Variants in ACOT8 observed in about 807,000 individuals in gnomAD.
ACOT8 encodes the protein acyl-coenzyme A thioesterase 8.
In ACOT8, 31 loss-of-function variants were observed where a neutral mutation model predicts 38.4. That is an observed-to-expected ratio of 0.81 (90% CI 0.61 to 1.09). ACOT8 has a LOEUF of 1.09. Among genes scored for constraint, ACOT8 ranks in the 50% least tolerant of loss-of-function variants. ACOT8 has a pLI of 0.00. For synonymous variants in ACOT8, 158 were observed against 170.3 expected (o/e 0.93, Z 0.56); for missense variants, 373 against 421.8 (o/e 0.88, Z 1.01).
In ACOT8 at chr20:45,843,527, C is replaced by A; in HGVS notation, c.841G>T (p.Gly281Cys). ...TTGTCCCACACGGCCCCACACTCAC[C>A]GGCCCAGGGGCTCTCGCATTCATAG... The part of the protein sequence containing the change: ...MLYECESPWA[G>C]GSRGLVHGRL... The change falls in exon 5 of 6, where the codon GGT becomes TGT. Residue 281 changes from glycine to cysteine, a missense_variant and splice_region_variant. By Grantham distance (159) the Gly-to-Cys change is radical. Coordinates refer to ENST00000217455, the MANE Select transcript of ACOT8 (RefSeq NM_005469.4). 2 of 1,608,488 alleles carry A rather than the reference C, an allele frequency of 1.2e-6. No individual in the cohort carries two copies. Among genetic ancestry groups the A allele is most frequent in the Non-Finnish European group, 1.7e-6 (2 of 1,176,318 alleles).
intron 2 of ACOT8, among the ~76,000 whole-genome samples, chr20:45,854,456 C>T (rs530690293): frequency 3.0e-4 from 45 of 152,294 alleles, no homozygotes; most frequent in African/African-American, 1.1e-3. Context: ...GTGATCCGCC[C>T]GCCTTGGCCT....
chr20:45,844,635 T>G (rs1417603441), intron 3 of ACOT8, among the ~76,000 whole-genome samples: 2 of 152,134 alleles, frequency 1.3e-5, no homozygotes, highest in African/African-American at 4.8e-5. Context: ...CTGAGTCTAT[T>G]TTCCCATCTG....
intron 1 of ACOT8, 136 bp from the exon 2 acceptor site, chr20:45,855,428 G>T (rs1301283392): frequency 8.0e-7 from 1 of 1,248,586 alleles, no homozygotes; most frequent in East Asian, 2.5e-5. Flanking sequence ...AAAGCCATAG[G>T]TCCTTTCCCC....
At chr20:45,843,350 C>G in intron 5 of ACOT8, 177 bp downstream of exon 5, 2 of 855,582 alleles carry the variant, frequency 2.3e-6, no homozygotes, top group Non-Finnish European at 1.9e-6. Flanking sequence ...TAGAGCAGAG[C>G]AGGTGTCCCG....
At chr20:45,847,429 A>AAT (rs1029647642) in intron 3 of ACOT8, among the ~76,000 whole-genome samples, 2 of 150,826 alleles carry the variant, frequency 1.3e-5, no homozygotes, top group Non-Finnish European at 2.9e-5. Context: ...ATATATATAA[A>AAT]ATATATATAT....
intron 2 of ACOT8, among the ~76,000 whole-genome samples, chr20:45,854,857 G>A (rs1373726838): frequency 1.3e-5 from 2 of 152,060 alleles, no homozygotes; most frequent in African/African-American, 2.4e-5. Context: ...ACAGCGCTCC[G>A]CACCAGGAGC....
intron 2 of ACOT8, among the ~76,000 whole-genome samples, chr20:45,850,986 C>T (rs919757689): frequency 6.6e-6 from 1 of 152,172 alleles, no homozygotes; most frequent in African/African-American, 2.4e-5. Flanking sequence ...GAAGTTCTCA[C>T]TTTGTCTGAG....
At chr20:45,853,925 T>C (rs1316245159) in intron 2 of ACOT8, 3 of 1,303,758 alleles carry the variant, frequency 2.3e-6, no homozygotes, top group African/African-American at 3.0e-5. Flanking sequence ...TCACATACTG[T>C]AAAGGTCCAC....
chr20:45,843,536 G>T lies in ACOT8; in HGVS notation c.832C>A (p.Pro278Thr), dbSNP rs1272173370. 6.2e-7 allele frequency: 1 copy of T among 1,609,356 alleles called. No homozygotes were observed. Among genetic ancestry groups the T allele is most frequent in the Non-Finnish European group, 8.5e-7 (1 of 1,176,538 alleles). Residue 278 changes from proline (P) to threonine (T), a missense_variant, in exon 5 of 6, where the codon CCC becomes ACC. By Grantham distance (38) the Pro-to-Thr change is conservative (BLOSUM62 -1). Coordinates refer to ENST00000217455, the MANE Select transcript of ACOT8 (RefSeq NM_005469.4). Reference sequence around the variant, plus strand: ...ACGGCCCCACACTCACCGGCCCAGGGGCTCTCGCATTCATAGAGCATCCAG... The same window carrying T: ...ACGGCCCCACACTCACCGGCCCAGGTGCTCTCGCATTCATAGAGCATCCAG... ...DHWMLYECESPWAGGSRGLVH... is the reference protein window; with the variant it reads ...DHWMLYECESTWAGGSRGLVH...
At chr20:45,853,885 G>A in intron 2 of ACOT8, 3 of 1,277,302 alleles carry the variant, frequency 2.3e-6, no homozygotes, top group Non-Finnish European at 3.1e-6. Flanking sequence ...CAAAATGAAG[G>A]GGGAAACCCC....
At chr20:45,853,824 G>A (rs988651737) in intron 2 of ACOT8, 2 of 913,936 alleles carry the variant, frequency 2.2e-6, no homozygotes, top group African/African-American at 1.7e-5. Context: ...AAGAGACACG[G>A]GACAGTATGA....
At chr20:45,843,108 G>A (rs1266754933) in intron 5 of ACOT8, 1 of 1,076,308 alleles carries the variant, frequency 9.3e-7, no homozygotes, top group Admixed American at 3.7e-5. Context: ...TGAGAATCTT[G>A]AGGGTGGAAT....
In ACOT8 at chr20:45,857,315, TC is replaced by T; in HGVS notation, c.-1del. 1 of 1,601,450 alleles carries T rather than the reference TC, an allele frequency of 6.2e-7. No homozygotes were observed. The highest frequency in any genetic ancestry group is 8.5e-7 in the Non-Finnish European group (1 of 1,174,698). The stretch of plus-strand genomic sequence containing the variant: ...TCTTCTGGGGCCTGCGGGGACGACA[TC>T]TAGTTCAATGCTGCAGGCCCTGCAC... On this transcript the variant is annotated 5_prime_UTR_variant, in exon 1 of 6. Coordinates refer to ENST00000217455, the MANE Select transcript of ACOT8 (RefSeq NM_005469.4).
Position 45,844,410 on chromosome 20 carries a change from G to C in ACOT8, c.499C>G (p.Leu167Val). 6.2e-7 allele frequency: 1 copy of C among 1,613,988 alleles called. No homozygotes were observed. The highest frequency in any genetic ancestry group is 8.5e-7 in the Non-Finnish European group (1 of 1,179,990). Residue 167 changes from leucine (L) to valine (V), a missense_variant, in exon 4 of 6, where the codon CTC becomes GTC. Physicochemically the swap from Leu to Val is conservative, Grantham distance 32. Coordinates refer to ENST00000217455, the MANE Select transcript of ACOT8 (RefSeq NM_005469.4). ...AGCGCCAATGGGTACCTCTTTTGGA[G>C]GTTAGGGTCCCTGAAAGTAAAGGGA... ...LIDQYLRDPN[L>V]QKRYPLALNR...
Position 45,848,636 on chromosome 20 carries a change from G to A in ACOT8, c.302C>T (p.Thr101Ile). Residue 101 changes from threonine to isoleucine, a missense_variant, in exon 3 of 6, where the codon ACA (threonine) becomes ATA (isoleucine). Coordinates refer to ENST00000217455, the MANE Select transcript of ACOT8 (RefSeq NM_005469.4). Reference protein sequence around the residue: ...KLPVLYQVERTRTGSSFSVRS... With the variant: ...KLPVLYQVERIRTGSSFSVRS... ...CACCGAGAAGCTCGACCCTGTTCGTGTCCGCTCCACTTGGTACAGTACTGG... is the reference window on the plus strand; with the variant it reads ...CACCGAGAAGCTCGACCCTGTTCGTATCCGCTCCACTTGGTACAGTACTGG... 6.2e-7 allele frequency: 1 copy of A among 1,613,444 alleles called. No individual in the cohort carries two copies. Among genetic ancestry groups the A allele is most frequent in the South Asian group, 1.1e-5 (1 of 91,044 alleles).
intron 2 of ACOT8, among the ~76,000 whole-genome samples, chr20:45,852,537 A>G (rs1392833850): frequency 1.3e-5 from 2 of 152,170 alleles, no homozygotes; most frequent in Admixed American, 6.6e-5. Context: ...ACAAACAGAT[A>G]AGAGCTCTCC....
intron 2 of ACOT8, among the ~76,000 whole-genome samples, chr20:45,849,652 T>G (rs975434894): frequency 8.5e-5 from 13 of 152,114 alleles, no homozygotes; most frequent in African/African-American, 3.1e-4. Flanking sequence ...GGTTTCACTG[T>G]GTTGCCCAGG....
Position 45,850,944 on chromosome 20 carries a change from T to C in ACOT8, c.263-2269A>G, listed in dbSNP as rs139164714. Among the ~76,000 whole-genome samples, 1,094 of 152,052 alleles carry C rather than the reference T, an allele frequency of 7.2e-3. 5 individuals carry two copies. The highest frequency in any genetic ancestry group is 0.037 in the Middle Eastern group (11 of 294). On this transcript the variant is annotated intron_variant, in intron 2 of 5. Coordinates refer to ENST00000217455, the MANE Select transcript of ACOT8 (RefSeq NM_005469.4). The stretch of plus-strand genomic sequence containing the variant: ...CAACAACAAGCAGGTGAGGGAAGAT[T>C]TGGAGAGGAAGAGAACTTCCCTGGT...
At position 45,855,244 on chromosome 20, in the gene ACOT8, G is replaced by A. The variant is rs375355851; in HGVS notation, c.177C>T (p.Ile59=). Residue 59 remains isoleucine (I), a synonymous_variant, in exon 2 of 6, where the codon ATC becomes ATT. Transcript: ENST00000217455. Reference sequence around the variant, plus strand: ...CTGCAGCCACCAGGGCCTGGCCCACGATCTGACCACCAAACAGCCTCTTGG... The same window carrying A: ...CTGCAGCCACCAGGGCCTGGCCCACAATCTGACCACCAAACAGCCTCTTGG... ...VPAKRLFGGQ[I]VGQALVAAAK... The A allele has an allele frequency of 5.5e-5, 88 of 1,614,008 alleles. No individual in the cohort carries two copies. Among genetic ancestry groups the A allele is most frequent in the Non-Finnish European group, 7.1e-5 (84 of 1,180,046 alleles).
Sources: gnomAD v4.1 joint callset for allele counts (sites outside exome capture counted in the v4.1 genomes callset) on GRCh38, gnomAD v4.1.1 for gene constraint, MANE v1.5 for transcripts, NCBI Gene and HGNC (gene_info 2026-07-23, HGNC 2026-07-21) for gene names.